Variants in DZANK1 observed in about 807,000 individuals in gnomAD.
DZANK1 encodes double zinc ribbon and ankyrin repeat-containing protein 1.
In DZANK1, 91 loss-of-function variants were observed where a neutral mutation model predicts 94.5. The ratio of observed to expected loss-of-function variants is 0.96; its 90% CI spans 0.81 to 1.15. DZANK1 has a LOEUF of 1.15. Ranked by LOEUF, DZANK1 falls within the 50% of genes most tolerant of loss-of-function variation. The probability of loss-of-function intolerance (pLI) is 0.00; values close to 1 mark genes in which losing one functional copy is unlikely to be tolerated. For synonymous variants in DZANK1, 312 were observed against 325.3 expected, an observed-to-expected ratio of 0.96 and a Z score of 0.44; for missense variants, 903 against 916.4, an observed-to-expected ratio of 0.99 and a Z score of 0.19.
At chr20:18,384,990 T>C (rs2048394978) in intron 20 of DZANK1, 26 bp downstream of exon 20, 1 of 1,546,766 alleles carries the variant, frequency 6.5e-7, no homozygotes, top group African/African-American at 1.4e-5. Flanking sequence ...CCCTCAAAAG[T>C]ATCCATCAGA....
At chr20:18,439,470 G>A (rs1174922946) in intron 8 of DZANK1, among the ~76,000 whole-genome samples, 2 of 152,104 alleles carry the variant, frequency 1.3e-5, no homozygotes, top group Admixed American at 1.3e-4. Flanking sequence ...TAGACCAGGC[G>A]ATACACTAGA....
At chr20:18,414,410 C>A in exon 12 of DZANK1, 1 of 1,613,994 alleles carries the variant, frequency 6.2e-7, no homozygotes, top group Non-Finnish European at 8.5e-7. Flanking sequence ...CTAAGTTTCA[C>A]TAGGGACTTC....
At chr20:18,384,937 C>A (rs1056676007) in intron 20 of DZANK1, 79 bp downstream of exon 20, 11 of 1,367,830 alleles carry the variant, frequency 8.0e-6, no homozygotes, top group African/African-American at 1.4e-5. Context: ...GGAACCAAGG[C>A]CCCTCTTAAA....
chr20:18,454,484 G>A (rs1056353373), intron 4 of DZANK1: 12 of 166,222 alleles, frequency 7.2e-5, no homozygotes, highest in East Asian at 1.7e-4. Flanking sequence ...TGGGTTGGCC[G>A]CCTTACTGTA....
intron 14 of DZANK1, 123 bp downstream of exon 14, chr20:18,398,400 G>A (rs1426638264): frequency 1.1e-4 from 87 of 812,528 alleles, no homozygotes; most frequent in Non-Finnish European, 1.5e-4. Flanking sequence ...GTAAGAAAGT[G>A]TAGAAAGCAG....
intron 8 of DZANK1, among the ~76,000 whole-genome samples, chr20:18,434,248 C>G: frequency 6.6e-6 from 1 of 151,610 alleles, no homozygotes; most frequent in East Asian, 1.9e-4. Flanking sequence ...TCCTCTTCCC[C>G]AAAAATGAAT....
chr20:18,448,853 T>C (rs6081147), intron 7 of DZANK1, 131 bp downstream of exon 7: 449,088 of 609,416 alleles, frequency 0.74, 170,772 homozygotes, highest in South Asian at 0.82. Flanking sequence ...GGTGACAGAG[T>C]GAGACTCCGT....
chr20:18,400,862 T>C (rs993480837), intron 13 of DZANK1, among the ~76,000 whole-genome samples: 2 of 152,194 alleles, frequency 1.3e-5, no homozygotes, highest in Non-Finnish European at 2.9e-5. Context: ...ACAGATAATA[T>C]GAAAATAAAT....
chr20:18,421,755 T>C (rs532878999), intron 10 of DZANK1, among the ~76,000 whole-genome samples: 2 of 152,296 alleles, frequency 1.3e-5, no homozygotes, highest in Non-Finnish European at 1.5e-5. Flanking sequence ...AATCTCTCCC[T>C]GGGTGGCTTG....
intron 10 of DZANK1, 124 bp from the exon 11 acceptor site, chr20:18,415,573 T>G (rs999669132): frequency 8.7e-7 from 1 of 1,144,338 alleles, no homozygotes; most frequent in Non-Finnish European, 1.1e-6. Flanking sequence ...TTTTTTGTTT[T>G]GTTTTGTTTT....
chr20:18,427,273 A>G, intron 9 of DZANK1, 114 bp from the exon 10 acceptor site: 1 of 659,734 alleles, frequency 1.5e-6, no homozygotes, highest in East Asian at 2.9e-5. Context: ...TACTGCACCC[A>G]GGCCCTGAAT....
At chr20:18,393,687 C>T (rs1203209162) in intron 17 of DZANK1, 24 bp downstream of exon 17, 1 of 1,492,820 alleles carries the variant, frequency 6.7e-7, no homozygotes, top group African/African-American at 1.4e-5. Context: ...ACAACATCCA[C>T]AAGGACCAAA....
At chr20:18,417,013 G>T (rs1336741566) in intron 10 of DZANK1, among the ~76,000 whole-genome samples, 13 of 118,578 alleles carry the variant, frequency 1.1e-4, no homozygotes, top group African/African-American at 3.9e-4. Flanking sequence ...TAGTCTTACT[G>T]ATCAAAAAAA....
In DZANK1 at chr20:18,455,313, A is replaced by C. The variant is rs570175723; in HGVS notation, c.312T>G (p.Tyr104Ter). 2.5e-6 allele frequency: 4 copies of C among 1,609,574 alleles called. No individual in the cohort carries two copies. The East Asian group carries it at 6.7e-5, about 27-fold the overall frequency. ...CAGGAGAGACTATATTTGGTGGTTC[A>C]TAGTCTACGTGAAACACCTTTGTCA... Residue 104 changes from tyrosine to a stop codon, truncating the protein, a stop_gained, in exon 4 of 21, where the codon TAT becomes TAG. Transcript: ENST00000262547. LOFTEE classifies it high-confidence loss of function.
intron 10 of DZANK1, among the ~76,000 whole-genome samples, chr20:18,419,246 A>T (rs939559751): frequency 4.7e-5 from 7 of 149,128 alleles, no homozygotes; most frequent in African/African-American, 1.7e-4. Flanking sequence ...TGGATGACAG[A>T]GCGAGACTCC....
intron 8 of DZANK1, among the ~76,000 whole-genome samples, chr20:18,437,959 C>T (rs1262117686): frequency 1.3e-5 from 2 of 151,936 alleles, no homozygotes; most frequent in Admixed American, 1.3e-4. Flanking sequence ...TGGCTCACGC[C>T]TGTAATCCCA....
At chr20:18,393,669 G>A (rs372677065) in intron 17 of DZANK1, 42 bp downstream of exon 17, 15 of 1,293,154 alleles carry the variant, frequency 1.2e-5, no homozygotes, top group Non-Finnish European at 1.6e-5. Flanking sequence ...GAAAATCACA[G>A]GCTGAAGACA....
chr20:18,451,094 C>T (rs556558308), intron 6 of DZANK1, among the ~76,000 whole-genome samples: 7 of 152,142 alleles, frequency 4.6e-5, no homozygotes, highest in African/African-American at 7.2e-5. Context: ...TACAGGTGCG[C>T]GCCACTATGC....
At chr20:18,406,376 G>T (rs1222024607) in intron 13 of DZANK1, among the ~76,000 whole-genome samples, 1 of 152,206 alleles carries the variant, frequency 6.6e-6, no homozygotes, top group Non-Finnish European at 1.5e-5. Context: ...GTAGGACAGG[G>T]CATAAGGCAG....
Sources: gnomAD v4.1 joint callset for allele counts (sites outside exome capture counted in the v4.1 genomes callset) on GRCh38, gnomAD v4.1.1 for gene constraint, MANE v1.5 for transcripts, NCBI Gene and HGNC (gene_info 2026-07-23, HGNC 2026-07-21) for gene names.